MAP3K13: variants seen among roughly 807,000 people sequenced by gnomAD.
The protein encoded by MAP3K13 is mitogen-activated protein kinase kinase kinase 13, also known as leucine zipper-bearing kinase.
A neutral mutation model predicts 104.0 loss-of-function variants in MAP3K13; 52 were observed. The observed-to-expected ratio is 0.50, with a 90% CI of 0.40 to 0.63. The LOEUF (loss-of-function observed/expected upper bound fraction) is 0.63, where lower values mean the gene tolerates loss of function less well. MAP3K13 is among the 20% of genes least tolerant of loss of function. The pLI, the probability that MAP3K13 is intolerant of heterozygous loss-of-function variation, is 0.00. For missense variants in MAP3K13, 914 were observed against 1,218.5 expected (o/e 0.75, Z 3.72); for synonymous variants, 394 against 442.2 (o/e 0.89, Z 1.37).
intron 1 of MAP3K13, among the ~76,000 whole-genome samples, chr3:185,384,337 T>TGTGTGTGTGTGTGA (rs754587735): frequency 1.3e-5 from 2 of 150,610 alleles, no homozygotes; most frequent in African/African-American, 4.8e-5. Context: ...TGTGTGTGTG[T>TGTGTGTGTGTGTGA]GAGACACATT....
chr3:185,402,418 C>G (rs1391661434), intron 1 of MAP3K13, among the ~76,000 whole-genome samples: 1 of 152,010 alleles, frequency 6.6e-6, no homozygotes, highest in Admixed American at 6.6e-5. Flanking sequence ...CACCTCTTTA[C>G]CTATTACCAT....
At chr3:185,343,462 T>C (rs1722795326) in intron 2 of MAP3K13, among the ~76,000 whole-genome samples, 1 of 152,182 alleles carries the variant, frequency 6.6e-6, no homozygotes, top group South Asian at 2.1e-4. Flanking sequence ...GTTTATTTAT[T>C]TATTTATTTG....
chr3:185,395,604 C>A (rs1233429115), intron 1 of MAP3K13, among the ~76,000 whole-genome samples: 1 of 150,930 alleles, frequency 6.6e-6, no homozygotes, highest in Non-Finnish European at 1.5e-5. Flanking sequence ...GTGATCCGCC[C>A]GCCTCGGCCT....
chr3:185,398,466 C>T (rs1223128014), intron 1 of MAP3K13, among the ~76,000 whole-genome samples: 1 of 152,202 alleles, frequency 6.6e-6, no homozygotes, highest in Non-Finnish European at 1.5e-5. Context: ...GCCTCTATAG[C>T]ACAGTCTCCC....
intron 2 of MAP3K13, among the ~76,000 whole-genome samples, chr3:185,436,108 T>A (rs527796330): frequency 9.2e-5 from 14 of 152,312 alleles, no homozygotes; most frequent in East Asian, 5.8e-4. Context: ...CATTCTTTTT[T>A]AAAAAAGTTT....
chr3:185,305,966 G>A (rs1255147064), intron 2 of MAP3K13, among the ~76,000 whole-genome samples: 1 of 152,006 alleles, frequency 6.6e-6, no homozygotes, highest in East Asian at 1.9e-4. Context: ...AGTGTCTACT[G>A]TTGCCATCTT....
intron 1 of MAP3K13, chr3:185,417,728 C>G (rs1401391932): frequency 4.3e-6 from 7 of 1,612,724 alleles, no homozygotes; most frequent in Non-Finnish European, 2.5e-6. Context: ...GCCTTATCCA[C>G]CCGGAGCTTG....
At chr3:185,311,107 T>A (rs1721480806) in intron 2 of MAP3K13, among the ~76,000 whole-genome samples, 1 of 152,246 alleles carries the variant, frequency 6.6e-6, no homozygotes, top group African/African-American at 2.4e-5. Context: ...ATGAGTTTCC[T>A]AGGAATATTC....
chr3:185,368,883 C>T (rs1397722656), intron 1 of MAP3K13, among the ~76,000 whole-genome samples: 3 of 149,744 alleles, frequency 2.0e-5, no homozygotes, highest in Non-Finnish European at 4.4e-5. Flanking sequence ...CACTTGAACC[C>T]GGGAGGCAGA....
chr3:185,336,548 A>C (rs1722509847), intron 2 of MAP3K13, among the ~76,000 whole-genome samples: 1 of 126,118 alleles, frequency 7.9e-6, no homozygotes, highest in Non-Finnish European at 1.6e-5. Flanking sequence ...TCTCAAAAAA[A>C]AAAAAAAAAG....
chr3:185,463,767 GC>G (rs1717253211), intron 8 of MAP3K13, 108 bp downstream of exon 8: 4 of 603,016 alleles, frequency 6.6e-6, no homozygotes, highest in Admixed American at 5.3e-5. Context: ...TTTCACCTCT[GC>G]TTTTTATTGT....
At chr3:185,467,080 A>T (rs941723865) in intron 10 of MAP3K13, 117 bp downstream of exon 10, 5 of 1,142,732 alleles carry the variant, frequency 4.4e-6, no homozygotes, top group Non-Finnish European at 6.3e-6. Flanking sequence ...GACTGTAGAG[A>T]TACTCAGTAC....
intron 2 of MAP3K13, among the ~76,000 whole-genome samples, chr3:185,300,189 CTTTTTTTTTTTT>C (rs1273008667): frequency 8.1e-6 from 1 of 123,428 alleles, no homozygotes; most frequent in Admixed American, 8.1e-5. Context: ...TCCTTCTTTT[CTTTTTTTTTTTT>C]TTTTTTCAGA....
intron 1 of MAP3K13, among the ~76,000 whole-genome samples, chr3:185,422,204 A>G (rs1395844314): frequency 6.6e-6 from 1 of 152,144 alleles, no homozygotes; most frequent in African/African-American, 2.4e-5. Flanking sequence ...TGTTTTTGTC[A>G]TCAGTGGCCA....
intron 1 of MAP3K13, among the ~76,000 whole-genome samples, chr3:185,400,238 T>C (rs1322221574): frequency 6.6e-6 from 1 of 152,208 alleles, no homozygotes; most frequent in East Asian, 1.9e-4. Flanking sequence ...GTGATTTCCT[T>C]CCCGCCTCCC....
chr3:185,465,707 A>C, intron 8 of MAP3K13, 40 bp from the exon 9 acceptor site: 1 of 1,422,274 alleles, frequency 7.0e-7, no homozygotes, highest in African/African-American at 1.4e-5. Flanking sequence ...TTTTCTCCCG[A>C]AGTTGGTTGG....
intron 8 of MAP3K13, among the ~76,000 whole-genome samples, chr3:185,465,510 C>A (rs2148916477): frequency 6.6e-6 from 1 of 152,228 alleles, no homozygotes; most frequent in Admixed American, 6.5e-5. Context: ...TTATCTGTGG[C>A]CCTCTTGGCT....
chr3:185,342,976 GT>G (rs202242306), intron 2 of MAP3K13, among the ~76,000 whole-genome samples: 5 of 151,926 alleles, frequency 3.3e-5, no homozygotes, highest in African/African-American at 7.3e-5. Context: ...GAGAACTACA[GT>G]TTTTTTTATT....
chr3:185,455,672 T>TG (rs1716609640), intron 7 of MAP3K13, among the ~76,000 whole-genome samples: 1 of 36,784 alleles, frequency 2.7e-5, no homozygotes, highest in Non-Finnish European at 6.8e-5. Context: ...ATATATGATA[T>TG]ATATATGAGA....
Sources: allele counts gnomAD v4.1 joint callset (sites outside exome capture counted in the v4.1 genomes callset), GRCh38; gene constraint gnomAD v4.1.1; transcripts MANE v1.5; gene names NCBI Gene and HGNC (gene_info 2026-07-23, HGNC 2026-07-21).